The following PSMD1 variants were observed in gnomAD, a reference collection of about 807,000 sequenced individuals.
The protein encoded by PSMD1 is proteasome 26S subunit, non-ATPase 1, also known as 26S proteasome non-ATPase regulatory subunit 1.
Under a neutral mutation model 119.0 loss-of-function variants are expected in PSMD1, and 18 were observed. The ratio of observed to expected loss-of-function variants is 0.15; its 90% CI spans 0.10 to 0.22. The LOEUF (loss-of-function observed/expected upper bound fraction) is 0.22. PSMD1 is among the 10% of genes least tolerant of loss of function. The probability of loss-of-function intolerance (pLI) is 1.00; values close to 1 mark genes in which losing one functional copy is unlikely to be tolerated. For missense variants in PSMD1, 702 were observed against 1,158.5 expected (o/e 0.61, Z 5.72); for synonymous variants, 374 against 396.6 (o/e 0.94, Z 0.68).
intron 4 of PSMD1, among the ~76,000 whole-genome samples, chr2:231,065,490 G>A (rs1693886887): frequency 1.3e-5 from 2 of 150,306 alleles, no homozygotes; most frequent in South Asian, 4.2e-4. Flanking sequence ...TAGTAGAGAC[G>A]GGGTTTCACC....
intron 9 of PSMD1, among the ~76,000 whole-genome samples, 188 bp from the exon 10 acceptor site, chr2:231,078,471 T>C (rs1211225608): frequency 1.3e-5 from 2 of 152,244 alleles, no homozygotes; most frequent in Non-Finnish European, 2.9e-5. Context: ...AATAAAACTT[T>C]GACTTGCTTG....
intron 13 of PSMD1, 123 bp from the exon 14 acceptor site, chr2:231,083,444 A>G (rs935233433): frequency 4.0e-6 from 4 of 1,007,616 alleles, no homozygotes; most frequent in African/African-American, 1.6e-5. Flanking sequence ...GGTTTAAAAA[A>G]ATGCTATCAG....
At position 231,087,145 on chromosome 2, in the gene PSMD1, G is replaced by C; in HGVS notation, c.1847G>C (p.Arg616Thr). ...AVSDVNDDVR[R>T]AAVESLGFIL... ...AGTGATGTTAATGATGATGTCAGGA[G>C]GGCAGCAGTAGAATCACTTGGGTTC... Residue 616 changes from arginine to threonine, a missense_variant, in exon 16 of 25, where the codon AGG becomes ACG. Arg to Thr is a moderately conservative substitution (Grantham distance 71, BLOSUM62 -1). This residue lies in a region of PSMD1 where 272 missense variants were observed against 511.6 expected (regional missense o/e 0.53). Transcript: ENST00000308696. 1 of 1,613,592 alleles carries C rather than the reference G, an allele frequency of 6.2e-7. No homozygotes were observed. The highest frequency in any genetic ancestry group is 8.5e-7 in the Non-Finnish European group (1 of 1,179,772).
At chr2:231,165,453 A>G (rs1696755170) in intron 22 of PSMD1, among the ~76,000 whole-genome samples, 167 bp downstream of exon 22, 1 of 152,136 alleles carries the variant, frequency 6.6e-6, no homozygotes, top group South Asian at 2.1e-4. Flanking sequence ...AGACTCGAAA[A>G]TATATCCATT....
intron 15 of PSMD1, among the ~76,000 whole-genome samples, chr2:231,086,895 T>C (rs1046432474): frequency 3.3e-5 from 5 of 152,172 alleles, no homozygotes; most frequent in Non-Finnish European, 7.3e-5. Context: ...CTGGGCAACA[T>C]AGGGAGACCC....
intron 16 of PSMD1, among the ~76,000 whole-genome samples, chr2:231,109,603 T>C (rs1422128245): frequency 6.6e-6 from 1 of 152,236 alleles, no homozygotes; most frequent in Non-Finnish European, 1.5e-5. Flanking sequence ...CAAATCTGTT[T>C]TTAAACGGAG....
intron 2 of PSMD1, among the ~76,000 whole-genome samples, chr2:231,061,846 G>A (rs745552883): frequency 5.3e-5 from 8 of 152,080 alleles, no homozygotes; most frequent in East Asian, 1.9e-4. Context: ...CTGGGATTAC[G>A]GGTCTGAGCC....
At chr2:231,162,567 G>A (rs145801183) in intron 20 of PSMD1, among the ~76,000 whole-genome samples, 158 of 152,210 alleles carry the variant, frequency 1.0e-3, no homozygotes, top group African/African-American at 3.6e-3. Context: ...TATGACTGCT[G>A]TTTTTACTCT....
At chr2:231,167,873 A>C (rs532254526) in intron 23 of PSMD1, among the ~76,000 whole-genome samples, 1 of 152,352 alleles carries the variant, frequency 6.6e-6, no homozygotes, top group Admixed American at 6.5e-5. Flanking sequence ...CAGATGGGCA[A>C]ATAAGCACAT....
intron 19 of PSMD1, among the ~76,000 whole-genome samples, chr2:231,154,455 CTGTT>C (rs138834522): frequency 0.083 from 12,683 of 152,160 alleles, 647 homozygotes; most frequent in South Asian, 0.21. Flanking sequence ...AGTAAAGTGA[CTGTT>C]GGTTGGTTTT....
chr2:231,083,176 G>A (rs183295457), intron 13 of PSMD1, among the ~76,000 whole-genome samples, 182 bp downstream of exon 13: 1 of 152,114 alleles, frequency 6.6e-6, no homozygotes, highest in African/African-American at 2.4e-5. Flanking sequence ...TGATATATAG[G>A]CTTTCTAAAA....
chr2:231,149,161 T>C (rs994978873), intron 18 of PSMD1, among the ~76,000 whole-genome samples: 9 of 152,256 alleles, frequency 5.9e-5, no homozygotes, highest in Admixed American at 2.0e-4. Flanking sequence ...TTAGTTGAAG[T>C]ATCTCCAGTA....
At chr2:231,135,498 C>T (rs1440568955) in intron 16 of PSMD1, among the ~76,000 whole-genome samples, 3 of 152,122 alleles carry the variant, frequency 2.0e-5, no homozygotes, top group African/African-American at 7.2e-5. Flanking sequence ...GGAACTAGAA[C>T]ATGAGTTTTA....
chr2:231,113,369 A>G (rs1009403882), intron 16 of PSMD1, among the ~76,000 whole-genome samples: 1 of 152,176 alleles, frequency 6.6e-6, no homozygotes, highest in Non-Finnish European at 1.5e-5. Flanking sequence ...TGTTATTTTA[A>G]TGTAATTACA....
At chr2:231,070,974 A>C (rs912448784) in intron 6 of PSMD1, among the ~76,000 whole-genome samples, 2 of 152,014 alleles carry the variant, frequency 1.3e-5, no homozygotes, top group African/African-American at 4.8e-5. Flanking sequence ...ATCCCTTTTA[A>C]AGCAAGTTTG....
chr2:231,114,100 T>G (rs1695252428), intron 16 of PSMD1, among the ~76,000 whole-genome samples: 1 of 152,228 alleles, frequency 6.6e-6, no homozygotes, highest in South Asian at 2.1e-4. Context: ...AAATTCAATA[T>G]TTCTGTGGAT....
chr2:231,142,595 C>A (rs1024721515), intron 17 of PSMD1, among the ~76,000 whole-genome samples: 4 of 151,906 alleles, frequency 2.6e-5, no homozygotes, highest in Non-Finnish European at 4.4e-5. Flanking sequence ...TTTATGTGAT[C>A]TAGGTATCAG....
In PSMD1 at chr2:231,112,970, G is replaced by A. The variant is rs895104354; in HGVS notation, c.1884-25766G>A. ...GCCAGAGCTCAAGAGTTTGAGACCA[G>A]CCTGGGCAACATGACAAAACCCCAC... is the stretch of plus-strand genomic sequence containing the variant. On this transcript the variant is annotated intron_variant, in intron 16 of 24. Coordinates refer to ENST00000308696, the MANE Select transcript of PSMD1 (RefSeq NM_002807.4). Among the ~76,000 whole-genome samples the A allele has an allele frequency of 2.6e-5, 4 of 152,220 alleles. No individual in the cohort carries two copies. The East Asian group carries it at 7.7e-4, about 29-fold the overall frequency.
Position 231,057,037 on chromosome 2 carries a change from G to T in PSMD1, c.12G>T (p.Ser4=). 1 of 1,533,140 alleles carries T rather than the reference G, an allele frequency of 6.5e-7. No individual in the cohort carries two copies. 95.0% of individuals were successfully genotyped at this position (1,533,140 alleles called of 1,614,324 possible). ...TGAGGGGCGCAGCCATGATCACCTCGGCCGGTGAGTGCGGCCCGTAGCCAG... is the reference window on the plus strand; with the variant it reads ...TGAGGGGCGCAGCCATGATCACCTCTGCCGGTGAGTGCGGCCCGTAGCCAG... The part of the protein sequence containing the change: MIT[S]AAGIISLLDE... Residue 4 remains serine (S), a synonymous_variant, in exon 1 of 25, where the codon TCG becomes TCT. Transcript: ENST00000308696.
Sources: gnomAD v4.1 joint callset for allele counts (sites outside exome capture counted in the v4.1 genomes callset) on GRCh38, gnomAD v4.1.1 for gene constraint, gnomAD v4.1.1 regional missense constraint, MANE v1.5 for transcripts, NCBI Gene and HGNC (gene_info 2026-07-23, HGNC 2026-07-21) for gene names.